PARD3: variants seen among roughly 807,000 people sequenced by gnomAD.
The protein encoded by PARD3 is partitioning defective 3 homolog.
A neutral mutation model predicts 155.4 loss-of-function variants in PARD3; 75 were observed. The observed-to-expected ratio is 0.48, with a 90% CI of 0.40 to 0.58. The LOEUF (loss-of-function observed/expected upper bound fraction) is 0.58. Ranked by LOEUF, PARD3 falls within the 20% of genes least tolerant of loss-of-function variation. PARD3 has a pLI of 0.00. For missense variants in PARD3, 1,642 were observed against 1,721.7 expected (o/e 0.95, Z 0.82); for synonymous variants, 576 against 610.5 (o/e 0.94, Z 0.83).
intron 22 of PARD3, among the ~76,000 whole-genome samples, chr10:34,146,642 T>C (rs929449414): frequency 2.0e-5 from 3 of 152,226 alleles, no homozygotes; most frequent in Non-Finnish European, 4.4e-5. Context: ...TGCTGGTCAA[T>C]ATGGTGACTG....
chr10:34,343,683 A>C (rs1291390333), intron 15 of PARD3: 1 of 984,694 alleles, frequency 1.0e-6, no homozygotes, highest in Non-Finnish European at 1.2e-6. Flanking sequence ...CCTAGACAAT[A>C]CAATGATCCC....
intron 2 of PARD3, among the ~76,000 whole-genome samples, chr10:34,625,638 C>A (rs968385452): frequency 1.3e-5 from 2 of 152,196 alleles, no homozygotes; most frequent in Non-Finnish European, 2.9e-5. Flanking sequence ...CAAGGCCAGG[C>A]GCGGTGGCTC....
intron 12 of PARD3, among the ~76,000 whole-genome samples, chr10:34,369,304 ATTTATTTATTTG>A (rs142557040): frequency 0.33 from 44,302 of 133,522 alleles, 6,754 homozygotes; most frequent in South Asian, 0.44. Flanking sequence ...TTTGTGATTT[ATTTATTTATTTG>A]TTTATTTATT....
At chr10:34,592,678 A>G (rs1243155958) in intron 2 of PARD3, among the ~76,000 whole-genome samples, 2 of 152,226 alleles carry the variant, frequency 1.3e-5, no homozygotes. Context: ...CCAGAGGCTA[A>G]GGCAGGAGAA....
At position 34,174,242 on chromosome 10, in the gene PARD3, T is replaced by G. The variant is rs527239439; in HGVS notation, c.3420-42659A>C. Among the ~76,000 whole-genome samples, 42 of 152,302 alleles carry G rather than the reference T, an allele frequency of 2.8e-4. No homozygotes were observed. The South Asian group carries it at 8.3e-3, about 30-fold the overall frequency. On this transcript the variant is annotated intron_variant, in intron 22 of 24. Coordinates refer to ENST00000374788, the MANE Select transcript of PARD3 (RefSeq NM_001184785.2). ...GAAAGATACTACCATCATAAATTCA[T>G]CCGGTGAGAATTAACAACTATATGC...
intron 1 of PARD3, among the ~76,000 whole-genome samples, chr10:34,700,599 A>C (rs2133529224): frequency 6.6e-6 from 1 of 152,384 alleles, no homozygotes; most frequent in East Asian, 1.9e-4. Flanking sequence ...GTTGATAAAA[A>C]AAAAATTTGA....
chr10:34,586,510 C>G (rs978641270), intron 2 of PARD3, among the ~76,000 whole-genome samples: 2 of 152,110 alleles, frequency 1.3e-5, no homozygotes, highest in Non-Finnish European at 2.9e-5. Context: ...TCAAATCCAC[C>G]TTATTCATCA....
intron 15 of PARD3, 86 bp downstream of exon 15, chr10:34,347,879 T>C: frequency 1.0e-6 from 1 of 960,524 alleles, no homozygotes; most frequent in East Asian, 2.7e-5. Context: ...ACACTAATAG[T>C]ACATTAATAT....
intron 5 of PARD3, among the ~76,000 whole-genome samples, chr10:34,422,779 G>A (rs900906087): frequency 5.3e-5 from 8 of 152,080 alleles, no homozygotes; most frequent in Admixed American, 3.3e-4. Flanking sequence ...AAAAATGAAC[G>A]ATAACGTACT....
At chr10:34,480,571 T>G (rs2079011721) in intron 3 of PARD3, among the ~76,000 whole-genome samples, 2 of 152,262 alleles carry the variant, frequency 1.3e-5, no homozygotes, top group Non-Finnish European at 2.9e-5. Flanking sequence ...GGCCAGTTAT[T>G]CAACTAGAGG....
chr10:34,279,458 T>C (rs1241178608), intron 21 of PARD3, among the ~76,000 whole-genome samples: 3 of 152,152 alleles, frequency 2.0e-5, no homozygotes, highest in Admixed American at 6.5e-5. Context: ...TTCTAAAGGA[T>C]TCACGAGGTC....
intron 20 of PARD3, among the ~76,000 whole-genome samples, chr10:34,302,899 C>T (rs1479414588): frequency 6.6e-6 from 1 of 152,140 alleles, no homozygotes; most frequent in Non-Finnish European, 1.5e-5. Context: ...GGAGCAGGAC[C>T]TACTTACTCA....
intron 5 of PARD3, among the ~76,000 whole-genome samples, chr10:34,407,705 C>T (rs183734959): frequency 6.6e-6 from 1 of 151,868 alleles, no homozygotes; most frequent in Non-Finnish European, 1.5e-5. Flanking sequence ...TGGTGGCGTG[C>T]GCCTGTAGTC....
chr10:34,299,688 A>C (rs1227151288), intron 20 of PARD3, among the ~76,000 whole-genome samples: 3 of 152,228 alleles, frequency 2.0e-5, no homozygotes, highest in Non-Finnish European at 4.4e-5. Flanking sequence ...GGATAAAACT[A>C]ATTTGAATGT....
At chr10:34,723,111 A>C (rs1057121685) in intron 1 of PARD3, among the ~76,000 whole-genome samples, 1 of 152,036 alleles carries the variant, frequency 6.6e-6, no homozygotes, top group African/African-American at 2.4e-5. Context: ...TGGGAGGCTG[A>C]GGTGGGAGAT....
chr10:34,560,300 T>G (rs1289258163), intron 2 of PARD3, among the ~76,000 whole-genome samples: 3 of 152,154 alleles, frequency 2.0e-5, no homozygotes, highest in Non-Finnish European at 2.9e-5. Context: ...CATATATCAA[T>G]CATATTTCTC....
chr10:34,792,575 TG>T (rs1424528339), intron 1 of PARD3, among the ~76,000 whole-genome samples: 8 of 152,264 alleles, frequency 5.3e-5, no homozygotes, highest in Non-Finnish European at 1.2e-4. Flanking sequence ...TAGTCGTGAC[TG>T]CCCTGCAGTT....
At chr10:34,811,280 C>CA (rs1844134491) in intron 1 of PARD3, among the ~76,000 whole-genome samples, 1 of 152,216 alleles carries the variant, frequency 6.6e-6, no homozygotes, top group African/African-American at 2.4e-5. Flanking sequence ...CTGTCCTCCT[C>CA]AGTTTGATCC....
chr10:34,162,865 G>A (rs556807201), intron 22 of PARD3, among the ~76,000 whole-genome samples: 19 of 152,114 alleles, frequency 1.2e-4, no homozygotes, highest in Non-Finnish European at 2.4e-4. Context: ...ACAGGACTGT[G>A]AGAATTCAGA....
Sources: allele counts gnomAD v4.1 joint callset (sites outside exome capture counted in the v4.1 genomes callset), GRCh38; gene constraint gnomAD v4.1.1; transcripts MANE v1.5; gene names NCBI Gene and HGNC (gene_info 2026-07-23, HGNC 2026-07-21).